PATJ: variants seen among roughly 807,000 people sequenced by gnomAD.
PATJ encodes the protein inaD-like protein.
A neutral mutation model predicts 224.9 loss-of-function variants in PATJ; 190 were observed. That is an observed-to-expected ratio of 0.84 (90% CI 0.75 to 0.95). The LOEUF (loss-of-function observed/expected upper bound fraction) is 0.95, where lower values mean the gene tolerates loss of function less well. Ranked by LOEUF, PATJ falls within the 40% of genes least tolerant of loss-of-function variation. PATJ has a pLI of 0.00. For missense variants in PATJ, 2,121 were observed against 2,270.3 expected (o/e 0.93, Z 1.34); for synonymous variants, 769 against 820.3 (o/e 0.94, Z 1.07).
At chr1:61,888,189 A>G (rs1245533135) in intron 22 of PATJ, among the ~76,000 whole-genome samples, 2 of 152,240 alleles carry the variant, frequency 1.3e-5, no homozygotes, top group Non-Finnish European at 2.9e-5. Flanking sequence ...AGTGATAAAT[A>G]AGCAAAGGAT....
chr1:61,979,382 C>T lies in PATJ; in HGVS notation c.3671-10786C>T, dbSNP rs554517215. Among the ~76,000 whole-genome samples, 36 of 152,124 alleles carry T rather than the reference C, an allele frequency of 2.4e-4. 1 individual carries two copies. Among genetic ancestry groups the T allele is most frequent in the Admixed American group, 5.2e-4 (8 of 15,284 alleles). On this transcript the variant is annotated intron_variant, in intron 27 of 43. Transcript: ENST00000642238. ...AACAAAAGACAGATTAGGCCAGGCGCGGTGGTTCAGGCCTGTAATCCCAGC... is the reference window on the plus strand; with the variant it reads ...AACAAAAGACAGATTAGGCCAGGCGTGGTGGTTCAGGCCTGTAATCCCAGC...
chr1:61,803,565 CA>C (rs1453020499), intron 12 of PATJ, among the ~76,000 whole-genome samples: 1 of 152,038 alleles, frequency 6.6e-6, no homozygotes, highest in Non-Finnish European at 1.5e-5. Flanking sequence ...AAGAGGAATA[CA>C]AAAAGCCAAT....
chr1:61,815,432 G>A (rs183863041), intron 14 of PATJ, among the ~76,000 whole-genome samples: 34 of 152,302 alleles, frequency 2.2e-4, no homozygotes, highest in African/African-American at 7.7e-4. Context: ...TATGATCTTA[G>A]GTCCAGGCTG....
Position 61,828,700 on chromosome 1 carries a change from T to C in PATJ, c.1980+1117T>C, listed in dbSNP as rs111230994. The stretch of plus-strand genomic sequence containing the variant: ...AGCGACTGTACCCAGCTGGAAGAGT[T>C]TTGAGCACATACTTTGCCATCTTAT... On this transcript the variant is annotated intron_variant, in intron 16 of 43. Coordinates refer to ENST00000642238, the MANE Select transcript of PATJ (RefSeq NM_001350145.3). 6.6e-3 allele frequency among the ~76,000 whole-genome samples: 1,009 copies of C among 152,288 alleles called. 14 individuals carry two copies. The highest frequency in any genetic ancestry group is 0.022 in the African/African-American group (928 of 41,548).
intron 17 of PATJ, among the ~76,000 whole-genome samples, chr1:61,854,615 C>T (rs1485667095): frequency 6.6e-6 from 1 of 152,178 alleles, no homozygotes; most frequent in Non-Finnish European, 1.5e-5. Flanking sequence ...TCTGGCTATG[C>T]CACATATACG....
chr1:61,984,165 T>TTA lies in PATJ; in HGVS notation c.3671-6002_3671-6001insAT, dbSNP rs200900641. Reference sequence around the variant, plus strand: ...ATACGCTCAATTATTATTATTATTATTTTTTTTTTTTTTGAGGCAGAGTGT... The same window carrying TTA: ...ATACGCTCAATTATTATTATTATTATTATTTTTTTTTTTTTGAGGCAGAGTGT... On this transcript the variant is annotated intron_variant, in intron 27 of 43. Coordinates refer to ENST00000642238, the MANE Select transcript of PATJ (RefSeq NM_001350145.3). Among the ~76,000 whole-genome samples, 345 of 75,320 alleles carry TTA rather than the reference T, an allele frequency of 4.6e-3. 2 individuals are homozygous for TTA. The East Asian group carries it at 0.085, about 18-fold the overall frequency. 49.4% of individuals were successfully genotyped at this position (75,320 alleles called of 152,430 possible). A position where few individuals can be genotyped will look rare whatever the true frequency, so the allele number is the denominator to read the frequency against.
chr1:61,981,541 A>G (rs771416130), intron 27 of PATJ, among the ~76,000 whole-genome samples: 48 of 152,064 alleles, frequency 3.2e-4, no homozygotes, highest in Non-Finnish European at 5.9e-4. Flanking sequence ...GCCTTCAGAA[A>G]GAAAGACCCA....
chr1:62,002,166 G>A (rs2149612389), intron 28 of PATJ, among the ~76,000 whole-genome samples: 1 of 152,202 alleles, frequency 6.6e-6, no homozygotes, highest in South Asian at 2.1e-4. Flanking sequence ...GAGGCTTTGG[G>A]ATCAGGAGGC....
chr1:62,121,064 C>T (rs1200228955), intron 37 of PATJ, 117 bp from the exon 38 acceptor site: 6 of 659,656 alleles, frequency 9.1e-6, no homozygotes, highest in Non-Finnish European at 1.6e-5. Flanking sequence ...GGCCTCCTCA[C>T]GATTTTCTGT....
intron 27 of PATJ, among the ~76,000 whole-genome samples, chr1:61,950,752 G>C (rs1468639581): frequency 6.6e-6 from 1 of 152,118 alleles, no homozygotes; most frequent in Non-Finnish European, 1.5e-5. Context: ...TGCAAAATAG[G>C]ATGGAAAAGT....
intron 17 of PATJ, among the ~76,000 whole-genome samples, chr1:61,837,504 A>G (rs543745354): frequency 1.6e-4 from 24 of 152,266 alleles, no homozygotes; most frequent in African/African-American, 5.5e-4. Flanking sequence ...CTTTAGGAAA[A>G]GAGACCAGGC....
intron 39 of PATJ, 131 bp downstream of exon 39, chr1:62,123,189 T>C (rs1665286850): frequency 1.6e-6 from 1 of 634,474 alleles, no homozygotes; most frequent in African/African-American, 1.9e-5. Flanking sequence ...AAATATGGTC[T>C]AAATAACATC....
chr1:62,079,513 C>G lies in PATJ; in HGVS notation c.4189C>G (p.Pro1397Ala). 1 of 1,613,812 alleles carries G rather than the reference C, an allele frequency of 6.2e-7. No homozygotes were observed. The highest frequency in any genetic ancestry group is 1.3e-5 in the African/African-American group (1 of 75,046). ...TKVSFSSQEI[P>A]LAPASSYHST... is the part of the protein sequence containing the mutation. ...AGTCTCCTTCAGTTCACAAGAGATACCATTAGCACCAGCTTCATCATACCA... is the reference window on the plus strand; with the variant it reads ...AGTCTCCTTCAGTTCACAAGAGATAGCATTAGCACCAGCTTCATCATACCA... The change falls in exon 32 of 44, where the codon CCA (proline) becomes GCA (alanine). Residue 1397 changes from proline (P) to alanine (A), a missense_variant. Physicochemically the swap from Pro to Ala is conservative, Grantham distance 27. Transcript: ENST00000642238.
intron 28 of PATJ, chr1:61,991,749 A>G (rs1449427119): frequency 2.4e-5 from 24 of 984,058 alleles, no homozygotes; most frequent in Non-Finnish European, 2.9e-5. Context: ...ACATAAATAA[A>G]GTCAAAGATG....
Position 62,161,052 on chromosome 1 carries a change from T to C in PATJ, c.5647T>C (p.Ter1883ArgextTer8). The change falls in exon 44 of 44, where the codon TGA becomes CGA. Residue 1883 changes from the stop codon to arginine, a stop_lost. Coordinates refer to ENST00000642238, the MANE Select transcript of PATJ (RefSeq NM_001350145.3). ...RGTVTLTVLS* is the reference protein window; with the variant it reads ...RGTVTLTVLSR Reference sequence around the variant, plus strand: ...GACTGTAACCTTAACTGTGCTGTCATGAGCCTCGGGCCTGATCACAAGATA... The same window carrying C: ...GACTGTAACCTTAACTGTGCTGTCACGAGCCTCGGGCCTGATCACAAGATA... 6.5e-7 allele frequency: 1 copy of C among 1,534,240 alleles called. No homozygotes were observed. The highest frequency in any genetic ancestry group is 1.3e-5 in the South Asian group (1 of 79,328).
At chr1:62,069,263 ATGTGTCTGAGTTAAGTTC>A (rs1302500380) in intron 31 of PATJ, among the ~76,000 whole-genome samples, 3 of 152,270 alleles carry the variant, frequency 2.0e-5, no homozygotes, top group Admixed American at 1.3e-4. Context: ...CTGCAGCAAG[ATGTGTCTGAGTTAAGTTC>A]TGGCTTGGCA....
chr1:61,795,641 T>C, intron 10 of PATJ, 83 bp downstream of exon 10: 95 of 623,562 alleles, frequency 1.5e-4, no homozygotes, highest in Middle Eastern at 2.6e-4. Flanking sequence ...AGAGGGGGAA[T>C]AGCTTAATAT....
intron 9 of PATJ, among the ~76,000 whole-genome samples, chr1:61,794,172 G>T (rs1184955291): frequency 6.6e-6 from 1 of 151,954 alleles, no homozygotes; most frequent in Non-Finnish European, 1.5e-5. Flanking sequence ...AAAGTGCTGG[G>T]ATTACAGGCG....
rs953411843 is a variant in PATJ, at chr1:61,901,397, G to C, written c.3319G>C (p.Val1107Leu). 8.2e-6 allele frequency: 13 copies of C among 1,583,800 alleles called. No homozygotes were observed. The East Asian group carries it at 2.6e-4, about 31-fold the overall frequency. ...EELKGIFIKQ[V>L]LEDSPAGKTN... ...GCTTAAAGGTATATTCATCAAACAA[G>C]TTTTAGAAGACAGTCCAGCAGGGAA... Residue 1107 changes from valine (V) to leucine (L), a missense_variant, in exon 24 of 44, where the codon GTT (valine) becomes CTT (leucine). Transcript: ENST00000642238.
Sources: allele counts gnomAD v4.1 joint callset (sites outside exome capture counted in the v4.1 genomes callset), GRCh38; gene constraint gnomAD v4.1.1; transcripts MANE v1.5; gene names NCBI Gene and HGNC (gene_info 2026-07-23, HGNC 2026-07-21).